Variants in PPARGC1A observed in about 807,000 individuals in gnomAD.
PPARGC1A encodes the protein PPARG coactivator 1 alpha, also known as peroxisome proliferator-activated receptor gamma coactivator 1-alpha.
In PPARGC1A, 25 loss-of-function variants were observed where a neutral mutation model predicts 88.7. That is an observed-to-expected ratio of 0.28 (90% confidence interval 0.21 to 0.39). The LOEUF (loss-of-function observed/expected upper bound fraction) is 0.39, where lower values mean the gene tolerates loss of function less well. Ranked by LOEUF, PPARGC1A falls within the 10% of genes least tolerant of loss-of-function variation. The probability of loss-of-function intolerance (pLI) is 1.00; values close to 1 mark genes in which losing one functional copy is unlikely to be tolerated. For missense variants in PPARGC1A, 880 were observed against 968.7 expected, an observed-to-expected ratio of 0.91 and a Z score of 1.22; for synonymous variants, 363 against 355.6, an observed-to-expected ratio of 1.02 and a Z score of -0.24.
chr4:23,992,674 G>GACTAAAAA, the PPARGC1A span, among the ~76,000 whole-genome samples: 31 of 151,748 alleles, frequency 2.0e-4, no homozygotes, highest in Admixed American at 2.6e-4. Flanking sequence ...CATTTTAAAA[G>GACTAAAAA]ACTGATTGAA....
the PPARGC1A span, among the ~76,000 whole-genome samples, chr4:24,233,166 T>C: frequency 3.9e-5 from 6 of 152,208 alleles, no homozygotes; most frequent in African/African-American, 1.4e-4. Flanking sequence ...AAGTCTCACT[T>C]AGAAGCAGAT....
chr4:23,968,989 T>C, the PPARGC1A span, among the ~76,000 whole-genome samples: 1 of 152,230 alleles, frequency 6.6e-6, no homozygotes, highest in East Asian at 1.9e-4. Context: ...CTTCATAGCT[T>C]GCAAAGGGCT....
chr4:24,186,480 G>C, the PPARGC1A span, among the ~76,000 whole-genome samples: 1 of 152,156 alleles, frequency 6.6e-6, no homozygotes, highest in Non-Finnish European at 1.5e-5. Context: ...ACCTTGGGCA[G>C]TGTATTCCCA....
the PPARGC1A span, among the ~76,000 whole-genome samples, chr4:24,228,170 A>T: frequency 6.6e-6 from 1 of 152,150 alleles, no homozygotes; most frequent in Non-Finnish European, 1.5e-5. Context: ...CCTTGGTTAC[A>T]GTGATGGGCC....
At chr4:24,194,639 C>T in the PPARGC1A span, among the ~76,000 whole-genome samples, 8 of 45,136 alleles carry the variant, frequency 1.8e-4, no homozygotes, top group South Asian at 1.7e-3. Context: ...CGCACACACA[C>T]ACACACACAC....
the PPARGC1A span, among the ~76,000 whole-genome samples, chr4:24,248,961 GGGAGGCCTAA>G: frequency 6.6e-6 from 1 of 152,058 alleles, no homozygotes; most frequent in African/African-American, 2.4e-5. Flanking sequence ...GCAAAGGGTC[GGGAGGCCTAA>G]TTTATCAAAC....
chr4:24,076,141 T>A, the PPARGC1A span, among the ~76,000 whole-genome samples: 1 of 152,208 alleles, frequency 6.6e-6, no homozygotes, highest in East Asian at 1.9e-4. Flanking sequence ...GCTGCCGCAA[T>A]CCTTTACATG....
At chr4:24,252,303 G>A in the PPARGC1A span, among the ~76,000 whole-genome samples, 1 of 152,218 alleles carries the variant, frequency 6.6e-6, no homozygotes, top group East Asian at 1.9e-4. Context: ...CAGAATGTCT[G>A]GGTTAAGGAC....
intron 10 of PPARGC1A, among the ~76,000 whole-genome samples, chr4:23,804,026 C>A (rs1719275717): frequency 6.6e-6 from 1 of 152,098 alleles, no homozygotes; most frequent in Admixed American, 6.6e-5. Context: ...ATAAGCTTAC[C>A]AATGTCTGGT....
chr4:23,797,153 G>A (rs1253725348), intron 12 of PPARGC1A, among the ~76,000 whole-genome samples: 2 of 151,650 alleles, frequency 1.3e-5, no homozygotes. Flanking sequence ...GTTTTTTAAG[G>A]TAAGAGCAAC....
At chr4:24,134,188 C>T in the PPARGC1A span, among the ~76,000 whole-genome samples, 6 of 152,138 alleles carry the variant, frequency 3.9e-5, no homozygotes, top group Non-Finnish European at 8.8e-5. Context: ...CATTAAATTG[C>T]AATAAACCCC....
chr4:24,099,739 A>C, the PPARGC1A span, among the ~76,000 whole-genome samples: 1 of 151,952 alleles, frequency 6.6e-6, no homozygotes, highest in Non-Finnish European at 1.5e-5. Context: ...GGGATGTGGG[A>C]TGTTTCTTCC....
the PPARGC1A span, among the ~76,000 whole-genome samples, chr4:24,430,426 T>TC: frequency 5.3e-5 from 8 of 149,986 alleles, no homozygotes; most frequent in Non-Finnish European, 1.5e-5. Context: ...CCCGGCTAAT[T>TC]TTTTTTTTGT....
intron 2 of PPARGC1A, among the ~76,000 whole-genome samples, chr4:23,860,410 A>C (rs1731037595): frequency 2.0e-5 from 3 of 152,162 alleles, no homozygotes; most frequent in Admixed American, 2.0e-4. Context: ...GTACCACATG[A>C]GGACTATGGT....
chr4:23,804,162 C>A (rs1021629358), intron 10 of PPARGC1A, among the ~76,000 whole-genome samples: 1 of 152,180 alleles, frequency 6.6e-6, no homozygotes, highest in Non-Finnish European at 1.5e-5. Context: ...TGAGGAACCT[C>A]ACACTACACC....
the PPARGC1A span, among the ~76,000 whole-genome samples, chr4:24,278,100 G>C: frequency 2.0e-5 from 3 of 151,998 alleles, no homozygotes; most frequent in East Asian, 5.8e-4. Context: ...CCAGGAGTTC[G>C]AAGCTGCCAT....
intron 2 of PPARGC1A, among the ~76,000 whole-genome samples, chr4:23,834,687 G>T (rs1233495368): frequency 2.0e-5 from 3 of 152,048 alleles, no homozygotes; most frequent in Admixed American, 2.0e-4. Context: ...CTTTCAATAT[G>T]CCTTTGAAAG....
the PPARGC1A span, among the ~76,000 whole-genome samples, chr4:24,445,072 G>A: frequency 1.3e-5 from 2 of 151,956 alleles, no homozygotes; most frequent in African/African-American, 4.8e-5. Flanking sequence ...GAGAGAGAGA[G>A]AGAGAGAAAA....
At chr4:24,272,994 C>T in the PPARGC1A span, among the ~76,000 whole-genome samples, 2 of 152,244 alleles carry the variant, frequency 1.3e-5, no homozygotes, top group South Asian at 2.1e-4. Flanking sequence ...TTCTACCTAA[C>T]TGCAGCTCAG....
Sources: gnomAD v4.1 joint callset for allele counts (sites outside exome capture counted in the v4.1 genomes callset) on GRCh38, gnomAD v4.1.1 for gene constraint, MANE v1.5 for transcripts, NCBI Gene and HGNC (gene_info 2026-07-23, HGNC 2026-07-21) for gene names.